Variants in SPATA6 observed in about 807,000 individuals in gnomAD.
The protein encoded by SPATA6 is spermatogenesis-associated protein 6.
Under a neutral mutation model 65.3 loss-of-function variants are expected in SPATA6, and 56 were observed. The observed-to-expected ratio is 0.86, with a 90% confidence interval of 0.69 to 1.07. The LOEUF (loss-of-function observed/expected upper bound fraction) is 1.07. SPATA6 is among the 50% of genes least tolerant of loss of function. The pLI, the probability that SPATA6 is intolerant of heterozygous loss-of-function variation, is 0.00. For missense variants in SPATA6, 590 were observed against 594.8 expected, an observed-to-expected ratio of 0.99 and a Z score of 0.08; for synonymous variants, 199 against 213.2, an observed-to-expected ratio of 0.93 and a Z score of 0.58.
chr1:48,289,744 G>C, the SPATA6 span, among the ~76,000 whole-genome samples: 124 of 152,204 alleles, frequency 8.1e-4, 1 homozygote, highest in Non-Finnish European at 1.2e-3. Flanking sequence ...GGAAGAAAGG[G>C]TGTTAGTGAT....
the SPATA6 span, among the ~76,000 whole-genome samples, chr1:48,277,432 A>G: frequency 3.9e-5 from 6 of 152,212 alleles, no homozygotes; most frequent in African/African-American, 1.4e-4. Context: ...TAGTCAAAGA[A>G]AGGGGTGACA....
intron 11 of SPATA6, among the ~76,000 whole-genome samples, chr1:48,312,890 C>T (rs923967808): frequency 1.3e-5 from 2 of 152,110 alleles, no homozygotes; most frequent in African/African-American, 2.4e-5. Flanking sequence ...AAGAGACAAA[C>T]GTGACGAATG....
chr1:48,362,425 T>A (rs1646842781), intron 9 of SPATA6, among the ~76,000 whole-genome samples: 1 of 152,170 alleles, frequency 6.6e-6, no homozygotes. Context: ...TTTTATCTGC[T>A]AAATTTTATC....
At chr1:48,399,146 G>A in intron 7 of SPATA6, 3 of 563,234 alleles carry the variant, frequency 5.3e-6, no homozygotes, top group Non-Finnish European at 9.1e-6. Context: ...TCATAACACA[G>A]CTTGATCTCT....
intron 1 of SPATA6, among the ~76,000 whole-genome samples, chr1:48,460,900 T>C (rs1657380116): frequency 6.6e-6 from 1 of 151,944 alleles, no homozygotes; most frequent in Non-Finnish European, 1.5e-5. Context: ...AAGTTTTTTT[T>C]TTAATGTTAA....
intron 11 of SPATA6, chr1:48,326,167 T>A (rs1164704151): frequency 6.5e-6 from 1 of 152,852 alleles, no homozygotes; most frequent in African/African-American, 2.4e-5. Context: ...AGGAAAAAAT[T>A]AAAAATTAAT....
rs1489181747 is a variant in SPATA6, at chr1:48,298,094, G to A, written c.*619C>T. ...ATGGCACTGATATTTCTAGCTAACT[G>A]CTATGCATTTTAAGCAACTTACACA... On this transcript the variant is annotated 3_prime_UTR_variant, in exon 13 of 13. Coordinates refer to ENST00000371847, the MANE Select transcript of SPATA6 (RefSeq NM_019073.4). 6.6e-6 allele frequency: 1 copy of A among 152,056 alleles called. No homozygotes were observed. The highest frequency in any genetic ancestry group is 6.6e-5 in the Admixed American group (1 of 15,262). The allele number at this position is 152,056 out of a possible 1,614,324, so 9.4% of individuals were successfully genotyped here.
At chr1:48,314,321 C>T (rs1430935017) in intron 11 of SPATA6, among the ~76,000 whole-genome samples, 2 of 152,070 alleles carry the variant, frequency 1.3e-5, no homozygotes, top group African/African-American at 2.4e-5. Context: ...TGTAAAAGAA[C>T]AGAAATTATA....
At chr1:48,330,763 G>C (rs1181836740) in intron 11 of SPATA6, among the ~76,000 whole-genome samples, 2 of 152,238 alleles carry the variant, frequency 1.3e-5, no homozygotes, top group African/African-American at 4.8e-5. Context: ...GCAATACCCA[G>C]TAAGAGTTTC....
intron 12 of SPATA6, among the ~76,000 whole-genome samples, chr1:48,303,164 A>G (rs1644981019): frequency 6.6e-6 from 1 of 152,180 alleles, no homozygotes; most frequent in East Asian, 1.9e-4. Flanking sequence ...TAATAATTGT[A>G]CATATTCCTA....
downstream of SPATA6, among the ~76,000 whole-genome samples, chr1:48,292,150 G>T (rs1034261749): frequency 1.3e-5 from 2 of 152,092 alleles, no homozygotes; most frequent in Non-Finnish European, 2.9e-5. Context: ...CCTTGCATTG[G>T]TGTCAGTGCA....
At chr1:48,367,108 G>C (rs536550758) in intron 9 of SPATA6, among the ~76,000 whole-genome samples, 26 of 152,274 alleles carry the variant, frequency 1.7e-4, no homozygotes, top group East Asian at 5.8e-4. Context: ...GAGTGGTTTT[G>C]AGTGAGTTTC....
chr1:48,295,196 T>C (rs186472318), downstream of SPATA6, among the ~76,000 whole-genome samples: 34 of 152,298 alleles, frequency 2.2e-4, no homozygotes, highest in Admixed American at 6.5e-4. Flanking sequence ...CTTCAAAATG[T>C]TGAACATAGT....
Position 48,364,842 on chromosome 1 carries a change from C to G in SPATA6, c.910-5072G>C, listed in dbSNP as rs12032317. ...TCAATTGTGGCTTTTGTTGCCACCG[C>G]TTTTGGTGTTTTAGACATGAAGTCC... On this transcript the variant is annotated intron_variant, in intron 9 of 12. Transcript: ENST00000371847. Among the ~76,000 whole-genome samples the G allele has an allele frequency of 0.017, 2,573 of 152,212 alleles. 118 individuals are homozygous for G. In the East Asian group the frequency reaches 0.2, roughly 12 times the overall value.
intron 3 of SPATA6, chr1:48,436,252 T>C: frequency 6.2e-7 from 1 of 1,613,768 alleles, no homozygotes; most frequent in Non-Finnish European, 8.5e-7. Context: ...TCTGGAAAAC[T>C]GCAATGAAGA....
intron 3 of SPATA6, among the ~76,000 whole-genome samples, chr1:48,418,735 A>G (rs1169553330): frequency 6.8e-6 from 1 of 147,744 alleles, no homozygotes; most frequent in African/African-American, 2.5e-5. Flanking sequence ...CAAGAAAGCA[A>G]GAGAGGAAGG....
At chr1:48,341,322 T>C (rs1439503500) in intron 11 of SPATA6, among the ~76,000 whole-genome samples, 1 of 152,140 alleles carries the variant, frequency 6.6e-6, no homozygotes, top group Non-Finnish European at 1.5e-5. Context: ...AAATATTAAA[T>C]GGAAAATTCC....
At chr1:48,267,562 C>T in the SPATA6 span, among the ~76,000 whole-genome samples, 1 of 152,032 alleles carries the variant, frequency 6.6e-6, no homozygotes, top group South Asian at 2.1e-4. Flanking sequence ...CGCCCAGCAG[C>T]TGGACTCTCC....
intron 3 of SPATA6, among the ~76,000 whole-genome samples, chr1:48,446,299 T>C (rs1656047686): frequency 6.6e-6 from 1 of 152,164 alleles, no homozygotes; most frequent in Non-Finnish European, 1.5e-5. Context: ...CCTCTGGAAC[T>C]TGCCAGAAAT....
Sources: gnomAD v4.1 joint callset for allele counts (sites outside exome capture counted in the v4.1 genomes callset) on GRCh38, gnomAD v4.1.1 for gene constraint, MANE v1.5 for transcripts, NCBI Gene and HGNC (gene_info 2026-07-23, HGNC 2026-07-21) for gene names.